EFNA5: variants seen among roughly 807,000 people sequenced by gnomAD.
The protein encoded by EFNA5 is ephrin-A5.
Under a neutral mutation model 22.9 loss-of-function variants are expected in EFNA5, and 5 were observed. That is an observed-to-expected ratio of 0.22 (90% confidence interval 0.11 to 0.46). The LOEUF is 0.46. Ranked by LOEUF, EFNA5 falls within the 20% of genes least tolerant of loss-of-function variation. EFNA5 has a pLI of 0.99. For synonymous variants in EFNA5, 113 were observed against 112.2 expected, an observed-to-expected ratio of 1.01 and a Z score of -0.04; for missense variants, 237 against 293.3, an observed-to-expected ratio of 0.81 and a Z score of 1.40.
chr5:107,483,438 C>T (rs933527817), intron 1 of EFNA5, among the ~76,000 whole-genome samples: 2 of 152,152 alleles, frequency 1.3e-5, no homozygotes, highest in African/African-American at 4.8e-5. Context: ...CTGCTGTATC[C>T]GTCTCGGATT....
chr5:107,666,803 G>A (rs931109648), intron 1 of EFNA5, among the ~76,000 whole-genome samples: 7 of 151,962 alleles, frequency 4.6e-5, no homozygotes, highest in South Asian at 2.1e-4. Flanking sequence ...CTTAGAATAC[G>A]CACATGATGT....
chr5:107,655,727 A>G (rs1443723212), intron 1 of EFNA5, among the ~76,000 whole-genome samples: 2 of 152,162 alleles, frequency 1.3e-5, no homozygotes, highest in Non-Finnish European at 2.9e-5. Flanking sequence ...AAACATAGGA[A>G]GTAAAATTGG....
At chr5:107,569,559 T>TA (rs1748742560) in intron 1 of EFNA5, among the ~76,000 whole-genome samples, 3 of 42,496 alleles carry the variant, frequency 7.1e-5, no homozygotes, top group Admixed American at 2.6e-4. Flanking sequence ...ATATATATAT[T>TA]TATATATATA....
intron 1 of EFNA5, among the ~76,000 whole-genome samples, chr5:107,522,243 C>T (rs1284308858): frequency 2.6e-5 from 4 of 152,160 alleles, no homozygotes; most frequent in African/African-American, 9.7e-5. Flanking sequence ...TTCTAAGGCA[C>T]ATCTGTACAT....
intron 1 of EFNA5, among the ~76,000 whole-genome samples, chr5:107,608,658 C>G (rs26725): frequency 0.2 from 31,078 of 152,172 alleles, 3,196 homozygotes; most frequent in African/African-American, 0.23. Flanking sequence ...ACTATAACTT[C>G]ATGGCTGTGC....
intron 1 of EFNA5, among the ~76,000 whole-genome samples, chr5:107,524,321 TATTA>T (rs1377768575): frequency 6.6e-6 from 1 of 152,176 alleles, no homozygotes; most frequent in African/African-American, 2.4e-5. Context: ...GAGGGAGGGA[TATTA>T]ATAATGGCAA....
At chr5:107,611,334 C>G (rs763197935) in intron 1 of EFNA5, among the ~76,000 whole-genome samples, 12 of 152,120 alleles carry the variant, frequency 7.9e-5, no homozygotes, top group Non-Finnish European at 1.6e-4. Context: ...ATATTTTAAC[C>G]TACAATGAAG....
At chr5:107,665,649 T>C (rs555520106) in intron 1 of EFNA5, among the ~76,000 whole-genome samples, 1 of 152,350 alleles carries the variant, frequency 6.6e-6, no homozygotes, top group East Asian at 1.9e-4. Flanking sequence ...AGCTCTAATG[T>C]TCCTATCATC....
intron 1 of EFNA5, among the ~76,000 whole-genome samples, chr5:107,634,660 C>T (rs1750334795): frequency 6.9e-6 from 1 of 145,978 alleles, no homozygotes; most frequent in South Asian, 2.2e-4. Flanking sequence ...TGTTCTTTAC[C>T]CACATAGGCA....
At chr5:107,581,434 C>A (rs1749071557) in intron 1 of EFNA5, among the ~76,000 whole-genome samples, 1 of 152,080 alleles carries the variant, frequency 6.6e-6, no homozygotes, top group Admixed American at 6.5e-5. Flanking sequence ...ATGTTAACAG[C>A]CAAAAATAGT....
At chr5:107,542,027 A>G (rs915444019) in intron 1 of EFNA5, among the ~76,000 whole-genome samples, 1 of 152,210 alleles carries the variant, frequency 6.6e-6, no homozygotes, top group African/African-American at 2.4e-5. Context: ...TTTAACACTG[A>G]AAATTCTGAA....
At chr5:107,612,762 G>C (rs1749841907) in intron 1 of EFNA5, among the ~76,000 whole-genome samples, 1 of 152,116 alleles carries the variant, frequency 6.6e-6, no homozygotes, top group Non-Finnish European at 1.5e-5. Context: ...TATTAATACA[G>C]GGAAAGCCTA....
intron 2 of EFNA5, among the ~76,000 whole-genome samples, chr5:107,420,730 A>T (rs1748634777): frequency 6.6e-6 from 1 of 152,128 alleles, no homozygotes; most frequent in Non-Finnish European, 1.5e-5. Context: ...TTAGAAATTT[A>T]AAAAATTAAT....
intron 1 of EFNA5, among the ~76,000 whole-genome samples, chr5:107,662,310 T>C (rs554971242): frequency 2.6e-5 from 4 of 152,138 alleles, no homozygotes; most frequent in Non-Finnish European, 4.4e-5. Context: ...ACTGAAGCAG[T>C]TTTTCATAAG....
intron 1 of EFNA5, among the ~76,000 whole-genome samples, chr5:107,490,014 C>G (rs1746758192): frequency 6.6e-6 from 1 of 152,064 alleles, no homozygotes; most frequent in Non-Finnish European, 1.5e-5. Context: ...CTCCAGGGTC[C>G]CTCAGCTGGG....
At chr5:107,516,323 C>T (rs1186538285) in intron 1 of EFNA5, among the ~76,000 whole-genome samples, 1 of 152,044 alleles carries the variant, frequency 6.6e-6, no homozygotes, top group Non-Finnish European at 1.5e-5. Flanking sequence ...TAGGCCTGAG[C>T]CACCATGCCT....
At chr5:107,485,785 T>C (rs1746600663) in intron 1 of EFNA5, among the ~76,000 whole-genome samples, 1 of 152,218 alleles carries the variant, frequency 6.6e-6, no homozygotes, top group South Asian at 2.1e-4. Context: ...AAACAAACAC[T>C]GTCTCAGATA....
chr5:107,482,832 G>GTCTCTCTCTC (rs59574940), intron 1 of EFNA5, among the ~76,000 whole-genome samples: 3 of 94,002 alleles, frequency 3.2e-5, no homozygotes, highest in East Asian at 4.0e-4. Context: ...CTCTGTCTCT[G>GTCTCTCTCTC]TCTCTCTCTC....
At chr5:107,404,620 A>T (rs920170760) in intron 2 of EFNA5, among the ~76,000 whole-genome samples, 4 of 152,200 alleles carry the variant, frequency 2.6e-5, no homozygotes, top group African/African-American at 7.2e-5. Context: ...TAGGGAGGAT[A>T]AGCAGTTAGG....
Sources: allele counts gnomAD v4.1 joint callset (sites outside exome capture counted in the v4.1 genomes callset), GRCh38; gene constraint gnomAD v4.1.1; transcripts MANE v1.5; gene names NCBI Gene and HGNC (gene_info 2026-07-23, HGNC 2026-07-21).